Variants in PFDN4 observed in about 807,000 individuals in gnomAD.
PFDN4 encodes prefoldin 4.
Under a neutral mutation model 17.6 loss-of-function variants are expected in PFDN4, and 6 were observed. That is an observed-to-expected ratio of 0.34 (90% CI 0.19 to 0.67). PFDN4 has a LOEUF of 0.67. PFDN4 is among the 30% of genes least tolerant of loss of function. PFDN4 has a pLI of 0.68. For synonymous variants in PFDN4, 48 were observed against 51.1 expected, an observed-to-expected ratio of 0.94 and a Z score of 0.26; for missense variants, 119 against 158.4, an observed-to-expected ratio of 0.75 and a Z score of 1.33.
intron 1 of PFDN4, among the ~76,000 whole-genome samples, chr20:54,211,351 G>C (rs1310544529): frequency 2.0e-5 from 3 of 152,096 alleles, no homozygotes; most frequent in Admixed American, 2.0e-4. Flanking sequence ...TTTTTACTTT[G>C]GATCCCGAGC....
chr20:54,216,808 C>G (rs938517792), intron 3 of PFDN4, among the ~76,000 whole-genome samples: 3 of 152,106 alleles, frequency 2.0e-5, no homozygotes, highest in African/African-American at 4.8e-5. Context: ...AGGCGCCCAC[C>G]ACCACGCCCA....
chr20:54,213,916 C>T (rs900799490), intron 1 of PFDN4, among the ~76,000 whole-genome samples: 12 of 151,782 alleles, frequency 7.9e-5, no homozygotes, highest in Non-Finnish European at 1.5e-5. Context: ...ACCCTTTAGC[C>T]AGTAAGCTCA....
At chr20:54,216,610 C>G (rs1044237228) in intron 3 of PFDN4, among the ~76,000 whole-genome samples, 1 of 151,992 alleles carries the variant, frequency 6.6e-6, no homozygotes, top group Non-Finnish European at 1.5e-5. Context: ...AATCCCCTGC[C>G]CCATACACAG....
At position 54,214,229 on chromosome 20, in the gene PFDN4, ACTT is replaced by A. The variant is rs1167190666; in HGVS notation, c.25-118_25-116del. 38 of 637,144 alleles carry A rather than the reference ACTT, an allele frequency of 6.0e-5. No individual in the cohort carries two copies. In the Middle Eastern group the frequency reaches 1.7e-3, roughly 28 times the overall value. 39.5% of individuals were successfully genotyped at this position (637,144 alleles called of 1,614,324 possible). A position where few individuals can be genotyped will look rare whatever the true frequency, so the allele number is the denominator to read the frequency against. On this transcript the variant is annotated intron_variant, in intron 1 of 3. Transcript: ENST00000371419. ...AAATAAGGCATTTGTTATGTTCTGT[ACTT>A]CTTGTGATTCTTGACTATATGAGTG... is the stretch of plus-strand genomic sequence containing the variant.
At chr20:54,212,482 T>C (rs1333763935) in intron 1 of PFDN4, among the ~76,000 whole-genome samples, 1 of 152,246 alleles carries the variant, frequency 6.6e-6, no homozygotes, top group Non-Finnish European at 1.5e-5. Context: ...AGGAAATTCC[T>C]GCTTTGGAAA....
Position 54,219,580 on chromosome 20 carries a change from G to C in PFDN4, c.*430G>C. Reference sequence around the variant, plus strand: ...CATCCTTGCTTATTTCACAACTAAAGCTTTGTCATAGACTTCAAAATATAT... The same window carrying C: ...CATCCTTGCTTATTTCACAACTAAACCTTTGTCATAGACTTCAAAATATAT... On this transcript the variant is annotated 3_prime_UTR_variant, in exon 4 of 4. Transcript: ENST00000371419. 1 of 393,116 alleles carries C rather than the reference G, an allele frequency of 2.5e-6. No homozygotes were observed. Among genetic ancestry groups the C allele is most frequent in the Admixed American group, 4.4e-5 (1 of 22,612 alleles). The allele number at this position is 393,116 out of a possible 1,614,324, so 24.4% of individuals were successfully genotyped here. A position where few individuals can be genotyped will look rare whatever the true frequency, so the allele number is the denominator to read the frequency against.
chr20:54,208,295 C>T (rs1163795444), intron 1 of PFDN4, 171 bp downstream of exon 1: 2 of 549,070 alleles, frequency 3.6e-6, no homozygotes, highest in South Asian at 3.7e-5. Flanking sequence ...CGCCTGGCGC[C>T]CTGAGCGTTT....
intron 1 of PFDN4, chr20:54,208,330 C>T (rs2092750869): frequency 6.7e-6 from 3 of 447,834 alleles, no homozygotes; most frequent in South Asian, 4.9e-5. Context: ...CCAGCCGAGG[C>T]GGGGCGCCGG....
chr20:54,216,237 A>G, intron 3 of PFDN4, among the ~76,000 whole-genome samples: 1 of 152,218 alleles, frequency 6.6e-6, no homozygotes, highest in East Asian at 1.9e-4. Flanking sequence ...TGAAATTTTC[A>G]GTTCACATGC....
intron 3 of PFDN4, among the ~76,000 whole-genome samples, chr20:54,215,808 G>T (rs1312033155): frequency 1.3e-5 from 2 of 152,214 alleles, no homozygotes; most frequent in Non-Finnish European, 2.9e-5. Context: ...CATTCATAGT[G>T]AACATTTTCC....
chr20:54,214,740 G>A (rs1158560203), intron 2 of PFDN4, among the ~76,000 whole-genome samples: 2 of 152,166 alleles, frequency 1.3e-5, no homozygotes, highest in African/African-American at 4.8e-5. Context: ...AGAGTCAGCT[G>A]TCTTCCCAAT....
At chr20:54,214,215 TTGTTA>T (rs2146541095) in intron 1 of PFDN4, 131 bp from the exon 2 acceptor site, 2 of 565,452 alleles carry the variant, frequency 3.5e-6, no homozygotes, top group Non-Finnish European at 6.3e-6. Flanking sequence ...AATAAGGCAT[TTGTTA>T]TGTTCTGTAC....
intron 2 of PFDN4, among the ~76,000 whole-genome samples, 187 bp from the exon 3 acceptor site, chr20:54,215,113 A>G (rs1437039538): frequency 6.6e-6 from 1 of 152,220 alleles, no homozygotes; most frequent in Non-Finnish European, 1.5e-5. Context: ...ACAAAGCTTT[A>G]GGTAGCTCTA....
intron 2 of PFDN4, among the ~76,000 whole-genome samples, chr20:54,214,700 G>A (rs1420368208): frequency 3.3e-5 from 5 of 152,066 alleles, no homozygotes; most frequent in Admixed American, 6.5e-5. Flanking sequence ...CTTGGCTGGC[G>A]GTGGAACAGC....
At chr20:54,212,129 G>A (rs958839187) in intron 1 of PFDN4, among the ~76,000 whole-genome samples, 5 of 151,700 alleles carry the variant, frequency 3.3e-5, no homozygotes, top group Non-Finnish European at 5.9e-5. Flanking sequence ...GGAAGTGGAG[G>A]TTGCAGTGAG....
At chr20:54,210,184 G>A (rs1251731685) in intron 1 of PFDN4, among the ~76,000 whole-genome samples, 2 of 152,200 alleles carry the variant, frequency 1.3e-5, no homozygotes, top group Admixed American at 1.3e-4. Context: ...GATAATCAGG[G>A]GAAGAGAGTT....
At chr20:54,214,494 T>G (rs1214098345) in intron 2 of PFDN4, 36 bp downstream of exon 2, 12 of 971,386 alleles carry the variant, frequency 1.2e-5, no homozygotes, top group Non-Finnish European at 1.9e-5. Context: ...TAAAATTTTT[T>G]TATACTATAG....
At chr20:54,212,348 G>A (rs1277350726) in intron 1 of PFDN4, among the ~76,000 whole-genome samples, 2 of 152,184 alleles carry the variant, frequency 1.3e-5, no homozygotes, top group Non-Finnish European at 2.9e-5. Flanking sequence ...CCACTGGGCG[G>A]CATGCAGTAT....
intron 1 of PFDN4, among the ~76,000 whole-genome samples, chr20:54,209,703 A>T (rs2092753181): frequency 6.6e-6 from 1 of 152,240 alleles, no homozygotes; most frequent in Non-Finnish European, 1.5e-5. Context: ...ATGGTAGAAG[A>T]GGAAATGGCA....
Sources: allele counts gnomAD v4.1 joint callset (sites outside exome capture counted in the v4.1 genomes callset), GRCh38; gene constraint gnomAD v4.1.1; transcripts MANE v1.5; gene names NCBI Gene and HGNC (gene_info 2026-07-23, HGNC 2026-07-21).